The following DNM3 variants were observed in gnomAD, a reference collection of about 807,000 sequenced individuals.
DNM3 encodes the protein dynamin-3.
DNM3 carries 47 observed loss-of-function variants against 101.6 expected under a neutral mutation model. That is an observed-to-expected ratio of 0.46 (90% CI 0.37 to 0.59). The LOEUF is 0.59. Among genes scored for constraint, DNM3 ranks in the 20% least tolerant of loss-of-function variants. The probability of loss-of-function intolerance (pLI) is 0.00; values close to 1 mark genes in which losing one functional copy is unlikely to be tolerated. For missense variants in DNM3, 849 were observed against 1,085.7 expected, an observed-to-expected ratio of 0.78 and a Z score of 3.06; for synonymous variants, 385 against 387.9, an observed-to-expected ratio of 0.99 and a Z score of 0.09.
chr1:172,345,538 A>G (rs1370069521), intron 17 of DNM3, among the ~76,000 whole-genome samples: 3 of 152,248 alleles, frequency 2.0e-5, no homozygotes, highest in African/African-American at 7.2e-5. Flanking sequence ...TTTAAAGAGC[A>G]GATAATCTAA....
chr1:172,367,347 T>G (rs900852413), intron 17 of DNM3, among the ~76,000 whole-genome samples: 16 of 151,726 alleles, frequency 1.1e-4, no homozygotes, highest in African/African-American at 2.9e-4. Context: ...ATTACAAAAA[T>G]TATTAAAGAA....
intron 14 of DNM3, among the ~76,000 whole-genome samples, chr1:172,143,273 A>C (rs2057687552): frequency 6.6e-6 from 1 of 152,162 alleles, no homozygotes. Flanking sequence ...AGGACAAAAG[A>C]GATTATGTTT....
intron 18 of DNM3, chr1:172,380,633 C>T (rs913915544): frequency 6.6e-6 from 1 of 151,990 alleles, no homozygotes; most frequent in East Asian, 1.9e-4. Flanking sequence ...TCTTCTAAAA[C>T]TACAGTGAGG....
intron 4 of DNM3, among the ~76,000 whole-genome samples, chr1:172,008,436 T>G (rs2046843408): frequency 6.6e-6 from 1 of 151,664 alleles, no homozygotes; most frequent in African/African-American, 2.4e-5. Context: ...GCTAGTTTTT[T>G]CAGCACCATT....
intron 14 of DNM3, among the ~76,000 whole-genome samples, chr1:172,233,556 C>G (rs1573052993): frequency 6.6e-6 from 1 of 152,146 alleles, no homozygotes; most frequent in African/African-American, 2.4e-5. Context: ...CAGCATCATC[C>G]TGATACCAAA....
chr1:171,866,819 C>T (rs2034793976), intron 1 of DNM3, among the ~76,000 whole-genome samples: 1 of 152,060 alleles, frequency 6.6e-6, no homozygotes, highest in Non-Finnish European at 1.5e-5. Flanking sequence ...GGTCTTTAGG[C>T]ATGCCACATT....
At chr1:172,347,834 G>A (rs2067016039) in intron 17 of DNM3, among the ~76,000 whole-genome samples, 1 of 152,176 alleles carries the variant, frequency 6.6e-6, no homozygotes, top group African/African-American at 2.4e-5. Context: ...GCCATTAGTG[G>A]AAGGGCAAAT....
intron 20 of DNM3, among the ~76,000 whole-genome samples, chr1:172,397,947 A>G (rs568645233): frequency 1.3e-5 from 2 of 152,206 alleles, no homozygotes; most frequent in Non-Finnish European, 2.9e-5. Flanking sequence ...AAAATATTCT[A>G]GAGGATTACA....
chr1:171,938,575 TG>T (rs2041605553), intron 2 of DNM3, among the ~76,000 whole-genome samples: 1 of 152,210 alleles, frequency 6.6e-6, no homozygotes, highest in South Asian at 2.1e-4. Flanking sequence ...GGAATAGAAG[TG>T]TTCAAAGGCA....
chr1:171,918,160 C>T (rs1221055471), intron 1 of DNM3, among the ~76,000 whole-genome samples: 4 of 151,974 alleles, frequency 2.6e-5, no homozygotes, highest in East Asian at 3.8e-4. Flanking sequence ...TTAAGGTAAG[C>T]GAATACTACA....
chr1:172,294,070 A>G (rs1479086457), intron 15 of DNM3, among the ~76,000 whole-genome samples: 1 of 152,224 alleles, frequency 6.6e-6, no homozygotes, highest in Non-Finnish European at 1.5e-5. Context: ...AACCTAATTG[A>G]TAGCTAAAAG....
intron 20 of DNM3, among the ~76,000 whole-genome samples, chr1:172,401,962 G>T (rs1391308589): frequency 6.6e-6 from 1 of 152,078 alleles, no homozygotes; most frequent in Non-Finnish European, 1.5e-5. Context: ...AAGAAGTAGG[G>T]GTCCTGCATC....
chr1:171,909,520 C>T (rs2039117073), intron 1 of DNM3, among the ~76,000 whole-genome samples: 2 of 151,556 alleles, frequency 1.3e-5, no homozygotes, highest in Admixed American at 1.3e-4. Context: ...CTTTAGTCTT[C>T]GTATTTTAAA....
At chr1:172,058,444 AG>A (rs2050840385) in intron 10 of DNM3, among the ~76,000 whole-genome samples, 3 of 151,072 alleles carry the variant, frequency 2.0e-5, no homozygotes, top group Non-Finnish European at 4.4e-5. Flanking sequence ...CATAGTTGGA[AG>A]TAAAGCTCTC....
At chr1:172,279,015 C>A (rs915481474) in intron 15 of DNM3, among the ~76,000 whole-genome samples, 3 of 152,072 alleles carry the variant, frequency 2.0e-5, no homozygotes, top group Non-Finnish European at 4.4e-5. Context: ...CATAATCTTG[C>A]CAGACTGTAT....
chr1:171,884,747 A>G (rs2036613254), intron 1 of DNM3, among the ~76,000 whole-genome samples: 1 of 152,200 alleles, frequency 6.6e-6, no homozygotes, highest in South Asian at 2.1e-4. Flanking sequence ...ACATGATGTC[A>G]ACAGGGTTCC....
chr1:172,324,562 C>T (rs1027315120), intron 17 of DNM3, among the ~76,000 whole-genome samples: 2 of 151,968 alleles, frequency 1.3e-5, no homozygotes, highest in Admixed American at 6.6e-5. Flanking sequence ...TGAACTCAGT[C>T]GACTTATAGT....
chr1:172,418,403 T>C, exon 21 of DNM3: 1 of 1,125,976 alleles, frequency 8.9e-7, no homozygotes, highest in Non-Finnish European at 1.1e-6. Flanking sequence ...ATGTCGTATG[T>C]ACATAAAAAC....
chr1:171,987,333 C>A, intron 2 of DNM3: 2 of 984,844 alleles, frequency 2.0e-6, no homozygotes, highest in Non-Finnish European at 2.4e-6. Context: ...ATGTCTTTAA[C>A]AATCAGGTGC....
Sources: allele counts gnomAD v4.1 joint callset (sites outside exome capture counted in the v4.1 genomes callset), GRCh38; gene constraint gnomAD v4.1.1; transcripts MANE v1.5; gene names NCBI Gene and HGNC (gene_info 2026-07-23, HGNC 2026-07-21).